The following PRKN variants were observed in gnomAD, a reference collection of about 807,000 sequenced individuals.
PRKN encodes the protein E3 ubiquitin-protein ligase parkin.
Under a neutral mutation model 59.5 loss-of-function variants are expected in PRKN, and 56 were observed. The observed-to-expected ratio is 0.94, with a 90% confidence interval of 0.76 to 1.18. The LOEUF (loss-of-function observed/expected upper bound fraction) is 1.18. Among genes scored for constraint, PRKN ranks in the 50% most tolerant of loss-of-function variants. PRKN has a pLI of 0.00. For synonymous variants in PRKN, 250 were observed against 222.1 expected (o/e 1.13, Z -1.12); for missense variants, 657 against 596.4 (o/e 1.10, Z -1.06).
rs1424020490 is a variant in PRKN, at chr6:161,473,743, T to C, written c.1083+75111A>G. Among the ~76,000 whole-genome samples, 2 of 152,174 alleles carry C rather than the reference T, an allele frequency of 1.3e-5. No individual in the cohort carries two copies. The highest frequency in any genetic ancestry group is 2.9e-5 in the Non-Finnish European group (2 of 68,032). On this transcript the variant is annotated intron_variant, in intron 9 of 11. Coordinates refer to ENST00000366898, the MANE Select transcript of PRKN (RefSeq NM_004562.3). This position sits in a 1 kb window ranked among gnomAD's most constrained non-coding sequence, Gnocchi z 4.1. Reference sequence around the variant, plus strand: ...TATTACTGTATACGTATGAAAAAAGTAACCATGAAGATGATAAGTATGTTA... The same window carrying C: ...TATTACTGTATACGTATGAAAAAAGCAACCATGAAGATGATAAGTATGTTA...
intron 5 of PRKN, among the ~76,000 whole-genome samples, chr6:162,024,427 C>T (rs77763436): frequency 0.15 from 22,762 of 152,130 alleles, 1,795 homozygotes; most frequent in South Asian, 0.25. Flanking sequence ...AAACTCCTGA[C>T]TTCAGGTGAT....
rs1779766145 is a variant in PRKN, at chr6:161,545,529, C to A, written c.1083+3325G>T. On this transcript the variant is annotated intron_variant, in intron 9 of 11. Transcript: ENST00000366898. This position sits in a 1 kb window ranked among gnomAD's most constrained non-coding sequence, Gnocchi z 4.1. ...CTTCTGAAATGACATAATCTAACCA[C>A]AATTTCTTCCAGACAATGGCTTTCC... 2.2e-6 allele frequency: 2 copies of A among 913,760 alleles called. No homozygotes were observed. The highest frequency in any genetic ancestry group is 3.6e-6 in the Non-Finnish European group (2 of 559,528). 56.6% of individuals were successfully genotyped at this position (913,760 alleles called of 1,614,324 possible).
intron 6 of PRKN, among the ~76,000 whole-genome samples, chr6:161,947,879 A>T (rs1390616098): frequency 6.6e-6 from 1 of 152,244 alleles, no homozygotes; most frequent in Non-Finnish European, 1.5e-5. Flanking sequence ...AAACCAAACC[A>T]GAGGCACCTT....
rs1330407312 is a variant in PRKN, at chr6:161,439,274, C to CA, written c.1084-52398dup. 3.3e-5 allele frequency among the ~76,000 whole-genome samples: 5 copies of CA among 152,170 alleles called. No homozygotes were observed. In the South Asian group the frequency reaches 1.0e-3, roughly 31 times the overall value. On this transcript the variant is annotated intron_variant, in intron 9 of 11. Transcript: ENST00000366898. Reference sequence around the variant, plus strand: ...GGTCTCCCAACAACTGGCCTCCCTCCAAAAACATGGAGGAAATCAAGAGGG... The same window carrying CA: ...GGTCTCCCAACAACTGGCCTCCCTCCAAAAAACATGGAGGAAATCAAGAGGG...
intron 7 of PRKN, among the ~76,000 whole-genome samples, chr6:161,634,037 C>CACACACAT (rs755288846): frequency 6.8e-6 from 1 of 147,718 alleles, no homozygotes; most frequent in African/African-American, 2.5e-5. Flanking sequence ...CACACACACA[C>CACACACAT]ATCCCCCACC....
intron 1 of PRKN, among the ~76,000 whole-genome samples, chr6:162,680,939 G>C (rs1244867509): frequency 6.6e-6 from 1 of 152,048 alleles, no homozygotes; most frequent in Non-Finnish European, 1.5e-5. Flanking sequence ...TATTGGAAAA[G>C]GCACCATTAT....
intron 2 of PRKN, among the ~76,000 whole-genome samples, chr6:162,311,252 G>T (rs1014048143): frequency 1.6e-4 from 25 of 152,118 alleles, no homozygotes; most frequent in African/African-American, 6.0e-4. Flanking sequence ...TTGTAGCAAA[G>T]AAAAATAGCT....
chr6:162,488,299 CT>C (rs1234159091), intron 1 of PRKN, among the ~76,000 whole-genome samples: 1 of 152,112 alleles, frequency 6.6e-6, no homozygotes, highest in Non-Finnish European at 1.5e-5. Context: ...GGAAACGCCC[CT>C]ATGCCTGATC....
intron 1 of PRKN, among the ~76,000 whole-genome samples, chr6:162,539,490 A>T (rs944904773): frequency 6.6e-5 from 10 of 152,148 alleles, no homozygotes; most frequent in Admixed American, 6.5e-4. Context: ...TGTCTACAGG[A>T]AAAAATATTA....
chr6:162,541,756 T>TA (rs1778932956), intron 1 of PRKN, among the ~76,000 whole-genome samples: 1 of 152,282 alleles, frequency 6.6e-6, no homozygotes, highest in Non-Finnish European at 1.5e-5. Context: ...CGTTTAGCGT[T>TA]AAACAACTAG....
At chr6:162,170,050 C>T (rs1011415616) in intron 4 of PRKN, among the ~76,000 whole-genome samples, 8 of 152,174 alleles carry the variant, frequency 5.3e-5, no homozygotes, top group South Asian at 2.1e-4. Context: ...TATACATTTT[C>T]GTGTGAGCTT....
chr6:162,434,426 T>C (rs1275463307), intron 2 of PRKN, among the ~76,000 whole-genome samples: 1 of 152,196 alleles, frequency 6.6e-6, no homozygotes, highest in Non-Finnish European at 1.5e-5. Flanking sequence ...TCTTCACTTG[T>C]CCAATGTGAA....
intron 4 of PRKN, among the ~76,000 whole-genome samples, chr6:162,182,453 A>C (rs1425567356): frequency 1.3e-5 from 2 of 152,194 alleles, no homozygotes; most frequent in Non-Finnish European, 2.9e-5. Flanking sequence ...TGTCTATGGA[A>C]CTGGGCGGGG....
chr6:162,339,315 C>A (rs1194166000), intron 2 of PRKN, among the ~76,000 whole-genome samples: 2 of 147,310 alleles, frequency 1.4e-5, no homozygotes, highest in East Asian at 2.1e-4. Flanking sequence ...CCCGCCCGGC[C>A]AGCCGCGCCG....
chr6:162,708,036 C>A (rs1234517575), intron 1 of PRKN, among the ~76,000 whole-genome samples: 1 of 152,166 alleles, frequency 6.6e-6, no homozygotes, highest in East Asian at 1.9e-4. Context: ...TTGTGTAACA[C>A]ATTTTCTTTC....
intron 4 of PRKN, among the ~76,000 whole-genome samples, chr6:162,072,337 T>C (rs747205550): frequency 6.6e-6 from 1 of 152,082 alleles, no homozygotes; most frequent in Non-Finnish European, 1.5e-5. Flanking sequence ...TGAGGGTATA[T>C]TGGAGGGATG....
chr6:162,585,564 G>C (rs920430373), intron 1 of PRKN, among the ~76,000 whole-genome samples: 1 of 151,974 alleles, frequency 6.6e-6, no homozygotes, highest in African/African-American at 2.4e-5. Context: ...CTTATTTCCT[G>C]TTAGCAGTTA....
intron 2 of PRKN, among the ~76,000 whole-genome samples, chr6:162,384,074 T>C (rs546705568): frequency 4.6e-5 from 7 of 152,334 alleles, no homozygotes; most frequent in African/African-American, 1.7e-4. Flanking sequence ...CACTAAAATG[T>C]TCTCCACATC....
chr6:161,831,651 T>C (rs1403791598), intron 6 of PRKN, among the ~76,000 whole-genome samples: 3 of 152,246 alleles, frequency 2.0e-5, no homozygotes, highest in African/African-American at 7.2e-5. Context: ...TGTGGACTCT[T>C]ACTGTCCAGT....
Sources: gnomAD v4.1 joint callset for allele counts (sites outside exome capture counted in the v4.1 genomes callset) on GRCh38, gnomAD v4.1.1 for gene constraint, Gnocchi (gnomAD v3.1) non-coding constraint, MANE v1.5 for transcripts, NCBI Gene and HGNC (gene_info 2026-07-23, HGNC 2026-07-21) for gene names.